ANKRD52: variants seen among roughly 807,000 people sequenced by gnomAD.
The protein encoded by ANKRD52 is ankyrin repeat domain 52, also known as serine/threonine-protein phosphatase 6 regulatory ankyrin repeat subunit C.
In ANKRD52, 7 loss-of-function variants were observed where a neutral mutation model predicts 116.0. That is an observed-to-expected ratio of 0.06 (90% confidence interval 0.03 to 0.11). The LOEUF (loss-of-function observed/expected upper bound fraction) is 0.11. ANKRD52 is among the 10% of genes least tolerant of loss of function. The pLI, the probability that ANKRD52 is intolerant of heterozygous loss-of-function variation, is 1.00. For missense variants in ANKRD52, 839 were observed against 1,408.6 expected, an observed-to-expected ratio of 0.60 and a Z score of 6.47; for synonymous variants, 528 against 578.1, an observed-to-expected ratio of 0.91 and a Z score of 1.24.
chr12:56,245,837 C>T (rs769420472), intron 20 of ANKRD52, among the ~76,000 whole-genome samples: 18 of 151,114 alleles, frequency 1.2e-4, no homozygotes, highest in Non-Finnish European at 2.4e-4. Context: ...GCCTCAGCCT[C>T]CCAAGTAGCT....
In ANKRD52 at chr12:56,255,428, G is replaced by C. The variant is rs577074284; in HGVS notation, c.462+356C>G. Reference sequence around the variant, plus strand: ...GATGATCTCGATCTCCTGATCTCATGATCCACCCGCCTTCGCCTCCCAAAG... The same window carrying C: ...GATGATCTCGATCTCCTGATCTCATCATCCACCCGCCTTCGCCTCCCAAAG... On this transcript the variant is annotated intron_variant, in intron 5 of 27. Transcript: ENST00000267116. The surrounding 1 kb of genome is among the most constrained non-coding windows in gnomAD (Gnocchi z 4.3). Among the ~76,000 whole-genome samples the C allele has an allele frequency of 2.0e-4, 30 of 152,326 alleles. No individual in the cohort carries two copies. Among genetic ancestry groups the C allele is most frequent in the Non-Finnish European group, 4.0e-4 (27 of 68,034 alleles).
Position 56,248,992 on chromosome 12 carries a change from G to T in ANKRD52, c.1593-122C>A. The T allele has an allele frequency of 1.6e-6, 1 of 625,768 alleles. No homozygotes were observed. Among genetic ancestry groups the T allele is most frequent in the Non-Finnish European group, 2.8e-6 (1 of 362,420 alleles). 38.8% of individuals were successfully genotyped at this position (625,768 alleles called of 1,614,324 possible). ...CCTACCTGGCCGCCACCCGTCCTCAGCTCTAGGTAGGTTCTCTAAATCCTA... is the reference window on the plus strand; with the variant it reads ...CCTACCTGGCCGCCACCCGTCCTCATCTCTAGGTAGGTTCTCTAAATCCTA... On this transcript the variant is annotated intron_variant, in intron 15 of 27. Transcript: ENST00000267116. This position sits in a 1 kb window ranked among gnomAD's most constrained non-coding sequence, Gnocchi z 5.1.
chr12:56,258,362 GGCGGCT>G lies in ANKRD52; in HGVS notation c.-99_-94del, dbSNP rs1565613941. 22 of 1,328,374 alleles carry G rather than the reference GGCGGCT, an allele frequency of 1.7e-5. No individual in the cohort carries two copies. The highest frequency in any genetic ancestry group is 2.1e-5 in the Non-Finnish European group (22 of 1,035,670). 82.3% of individuals were successfully genotyped at this position (1,328,374 alleles called of 1,614,324 possible). ...GAGCGGCCCAGGCGGCGGCTGCGGT[GGCGGCT>G]GCAGGGAGAGCGCGGCCCCGCCTAC... is the stretch of plus-strand genomic sequence containing the variant. On this transcript the variant is annotated 5_prime_UTR_variant, in exon 1 of 28. Coordinates refer to ENST00000267116, the MANE Select transcript of ANKRD52 (RefSeq NM_173595.4).
rs1871822014 is a variant in ANKRD52 at position 56,253,976 on chromosome 12, A to G, written c.906+91T>C. The stretch of plus-strand genomic sequence containing the variant: ...TCTGATTACCCTAGGAAGCAAGTGG[A>G]TAATTCCCCAAGAGAGCTATCCAGA... On this transcript the variant is annotated intron_variant, in intron 8 of 27. Coordinates refer to ENST00000267116, the MANE Select transcript of ANKRD52 (RefSeq NM_173595.4). This position sits in a 1 kb window ranked among gnomAD's most constrained non-coding sequence, Gnocchi z 5.5. The G allele has an allele frequency of 2.4e-5, 34 of 1,426,422 alleles. 1 individual carries two copies. Among genetic ancestry groups the G allele is most frequent in the Non-Finnish European group, 2.7e-5 (28 of 1,033,860 alleles). The allele number at this position is 1,426,422 out of a possible 1,614,324, so 88.4% of individuals were successfully genotyped here.
In ANKRD52 at chr12:56,255,165, C is replaced by T. The variant is rs891385290; in HGVS notation, c.463-213G>A. On this transcript the variant is annotated intron_variant, in intron 5 of 27. Transcript: ENST00000267116. The surrounding 1 kb of genome is among the most constrained non-coding windows in gnomAD (Gnocchi z 4.3). ...AACTTTAAGGGAAACAAGAGAGTCT[C>T]TTCAGGTGATCTGGTGGTTCTTAAA... 1 of 479,284 alleles carries T rather than the reference C, an allele frequency of 2.1e-6. No individual in the cohort carries two copies. Among genetic ancestry groups the T allele is most frequent in the South Asian group, 3.8e-5 (1 of 26,248 alleles). The allele number at this position is 479,284 out of a possible 1,614,324, so 29.7% of individuals were successfully genotyped here.
Position 56,248,708 on chromosome 12 carries a change from C to A in ANKRD52, c.1704+51G>T. On this transcript the variant is annotated intron_variant, in intron 16 of 27. Transcript: ENST00000267116. This position sits in a 1 kb window ranked among gnomAD's most constrained non-coding sequence, Gnocchi z 5.1. ...ACCCTTAGTTTTGGAATCCACAAAC[C>A]CTGTGCCCTGCCCCTGCCTCCCCTC... is the stretch of plus-strand genomic sequence containing the variant. 6.5e-7 allele frequency: 1 copy of A among 1,536,848 alleles called. No homozygotes were observed. The highest frequency in any genetic ancestry group is 1.2e-5 in the South Asian group (1 of 85,108).
rs1242740478 is a variant in ANKRD52 at position 56,242,187 on chromosome 12, A to C, written c.*955T>G. 2.5e-6 allele frequency: 1 copy of C among 398,484 alleles called. No individual in the cohort carries two copies. Among genetic ancestry groups the C allele is most frequent in the Non-Finnish European group, 4.4e-6 (1 of 226,074 alleles). The allele number at this position is 398,484 out of a possible 1,614,324, so 24.7% of individuals were successfully genotyped here. ...CCTCCCTCCATATACATGCAAACAC[A>C]TGCCTGAAACACAGTGGACATACTA... On this transcript the variant is annotated 3_prime_UTR_variant, in exon 28 of 28. Coordinates refer to ENST00000267116, the MANE Select transcript of ANKRD52 (RefSeq NM_173595.4). The surrounding 1 kb of genome is among the most constrained non-coding windows in gnomAD (Gnocchi z 4.3).
intron 4 of ANKRD52, among the ~76,000 whole-genome samples, chr12:56,256,494 G>A (rs1175846592): frequency 6.6e-6 from 1 of 152,144 alleles, no homozygotes; most frequent in Admixed American, 6.6e-5. Flanking sequence ...CATTCCCACT[G>A]GCCTCGGCCC....
In ANKRD52 at chr12:56,243,502, A is replaced by T; in HGVS notation, c.2981-110T>A. 1 of 1,430,292 alleles carries T rather than the reference A, an allele frequency of 7.0e-7. No individual in the cohort carries two copies. 88.6% of individuals were successfully genotyped at this position (1,430,292 alleles called of 1,614,324 possible). A position where few individuals can be genotyped will look rare whatever the true frequency, so the allele number is the denominator to read the frequency against. On this transcript the variant is annotated intron_variant, in intron 27 of 27. Transcript: ENST00000267116. The surrounding 1 kb of genome is among the most constrained non-coding windows in gnomAD (Gnocchi z 4.6). ...AGGGAGCCAAGGCAGGCAGGTACCCAGCAGCGGCAGAATCCAAGGGTGACG... is the reference window on the plus strand; with the variant it reads ...AGGGAGCCAAGGCAGGCAGGTACCCTGCAGCGGCAGAATCCAAGGGTGACG...
rs75089885 is a variant in ANKRD52 at position 56,247,476 on chromosome 12, C to T, written c.2184+17G>A. ...TGAGGCCCATGTGCAAACAATCCCC[C>T]CTAGAAGCTCACTCACCCCGCGGTG... On this transcript the variant is annotated intron_variant, in intron 20 of 27. Coordinates refer to ENST00000267116, the MANE Select transcript of ANKRD52 (RefSeq NM_173595.4). 2.6e-6 allele frequency: 4 copies of T among 1,552,840 alleles called. No individual in the cohort carries two copies. Among genetic ancestry groups the T allele is most frequent in the Non-Finnish European group, 3.5e-6 (4 of 1,147,050 alleles).
chr12:56,257,721 G>C, intron 2 of ANKRD52, 107 bp downstream of exon 2: 1 of 1,063,140 alleles, frequency 9.4e-7, no homozygotes, highest in Non-Finnish European at 1.4e-6. Context: ...AAAGAACTGC[G>C]GCCTCATCTG....
Position 56,252,050 on chromosome 12 carries a change from C to T in ANKRD52, c.1557G>A (p.Glu519=), listed in dbSNP as rs1871721465. The T allele has an allele frequency of 6.2e-7, 1 of 1,613,944 alleles. No individual in the cohort carries two copies. Among genetic ancestry groups the T allele is most frequent in the Non-Finnish European group, 8.5e-7 (1 of 1,179,884 alleles). Residue 519 remains glutamate (E), a synonymous_variant, in exon 15 of 28, where the codon GAG becomes GAA. Transcript: ENST00000267116. This position sits in a 1 kb window ranked among gnomAD's most constrained non-coding sequence, Gnocchi z 4.7. The part of the protein sequence containing the change: ...TPSSHDAEED[E]PLKESRRKEA... Reference sequence around the variant, plus strand: ...CCTTCCTGCGGGACTCCTTCAGTGGCTCGTCCTCTTCGGCATCATGGCTGG... The same window carrying T: ...CCTTCCTGCGGGACTCCTTCAGTGGTTCGTCCTCTTCGGCATCATGGCTGG...
intron 4 of ANKRD52, among the ~76,000 whole-genome samples, chr12:56,256,802 G>A (rs983628172): frequency 1.3e-5 from 2 of 152,170 alleles, no homozygotes; most frequent in Non-Finnish European, 2.9e-5. Context: ...TGCCAGCCCA[G>A]TGTTAAGCTC....
Position 56,248,443 on chromosome 12 carries a change from C to T in ANKRD52, c.1776+52G>A, listed in dbSNP as rs1871523982. The T allele has an allele frequency of 1.3e-6, 2 of 1,542,788 alleles. No homozygotes were observed. The highest frequency in any genetic ancestry group is 1.7e-4 in the Middle Eastern group (1 of 5,944). On this transcript the variant is annotated intron_variant, in intron 17 of 27. Transcript: ENST00000267116. This position sits in a 1 kb window ranked among gnomAD's most constrained non-coding sequence, Gnocchi z 5.1. ...ACAAGTGCTGGCACCTTTGTTAGGG[C>T]CTGGGAACAGGTAGGACAAGGAAGG...
Position 56,243,695 on chromosome 12 carries a change from C to A in ANKRD52, c.2980+90G>T. 1 of 1,343,362 alleles carries A rather than the reference C, an allele frequency of 7.4e-7. No individual in the cohort carries two copies. Among genetic ancestry groups the A allele is most frequent in the Non-Finnish European group, 1.0e-6 (1 of 967,708 alleles). 83.2% of individuals were successfully genotyped at this position (1,343,362 alleles called of 1,614,324 possible). ...TGAAGAGTTCCCTTGGGAAGAAAAT[C>A]CCATGTATAGCAAGATTAAGAAGTC... On this transcript the variant is annotated intron_variant, in intron 27 of 27. Transcript: ENST00000267116. The surrounding 1 kb of genome is among the most constrained non-coding windows in gnomAD (Gnocchi z 4.6).
In ANKRD52 at chr12:56,248,427, G is replaced by T; in HGVS notation, c.1776+68C>A. 6.6e-7 allele frequency: 1 copy of T among 1,508,040 alleles called. No individual in the cohort carries two copies. Among genetic ancestry groups the T allele is most frequent in the Non-Finnish European group, 9.1e-7 (1 of 1,103,768 alleles). The allele number at this position is 1,508,040 out of a possible 1,614,324, so 93.4% of individuals were successfully genotyped here. A position where few individuals can be genotyped will look rare whatever the true frequency, so the allele number is the denominator to read the frequency against. Reference sequence around the variant, plus strand: ...AAGGAAGGATAACTTCACAAGTGCTGGCACCTTTGTTAGGGCCTGGGAACA... The same window carrying T: ...AAGGAAGGATAACTTCACAAGTGCTTGCACCTTTGTTAGGGCCTGGGAACA... On this transcript the variant is annotated intron_variant, in intron 17 of 27. Transcript: ENST00000267116. This position sits in a 1 kb window ranked among gnomAD's most constrained non-coding sequence, Gnocchi z 5.1.
chr12:56,243,924 A>G lies in ANKRD52; in HGVS notation c.2889-48T>C. ...GAGCTTGATGCTAAGCTGCCCTTCC[A>G]CCTCCAGACAGGGTGGCAAGGGTGC... On this transcript the variant is annotated intron_variant, in intron 26 of 27. Coordinates refer to ENST00000267116, the MANE Select transcript of ANKRD52 (RefSeq NM_173595.4). The surrounding 1 kb of genome is among the most constrained non-coding windows in gnomAD (Gnocchi z 4.6). The G allele has an allele frequency of 6.3e-7, 1 of 1,594,426 alleles. No individual in the cohort carries two copies. The highest frequency in any genetic ancestry group is 8.6e-7 in the Non-Finnish European group (1 of 1,169,332).
chr12:56,248,209 A>G lies in ANKRD52; in HGVS notation c.1792T>C (p.Cys598Arg), dbSNP rs1420891595. 1 of 1,613,810 alleles carries G rather than the reference A, an allele frequency of 6.2e-7. No individual in the cohort carries two copies. The highest frequency in any genetic ancestry group is 1.1e-5 in the South Asian group (1 of 91,078). ...PLHLAAYNGH[C>R]EALKTLAETL... is the part of the protein sequence containing the mutation. ...TCCGCCAGCGTCTTCAAGGCTTCAC[A>G]GTGACCGTTGTAGGCCTGGCAAGGT... Residue 598 changes from cysteine to arginine, a missense_variant, in exon 18 of 28, where the codon TGT (cysteine) becomes CGT (arginine). By Grantham distance (180) the Cys-to-Arg change is radical. Transcript: ENST00000267116. The surrounding 1 kb of genome is among the most constrained non-coding windows in gnomAD (Gnocchi z 5.1).
rs1870990150 is a variant in ANKRD52 at position 56,237,927 on chromosome 12, G to A, written c.*5215C>T. 1.6e-6 allele frequency: 1 copy of A among 638,978 alleles called. No individual in the cohort carries two copies. The highest frequency in any genetic ancestry group is 2.5e-6 in the Non-Finnish European group (1 of 400,622). 39.6% of individuals were successfully genotyped at this position (638,978 alleles called of 1,614,324 possible). A position where few individuals can be genotyped will look rare whatever the true frequency, so the allele number is the denominator to read the frequency against. On this transcript the variant is annotated 3_prime_UTR_variant, in exon 28 of 28. Coordinates refer to ENST00000267116, the MANE Select transcript of ANKRD52 (RefSeq NM_173595.4). ...GTGGGAGGACCCGAAGCCGGTTGGG[G>A]GAGGATGTGAGTAGGGGCCTGGAGG...
Sources: allele counts gnomAD v4.1 joint callset (sites outside exome capture counted in the v4.1 genomes callset), GRCh38; gene constraint gnomAD v4.1.1; non-coding constraint Gnocchi (gnomAD v3.1); transcripts MANE v1.5; gene names NCBI Gene and HGNC (gene_info 2026-07-23, HGNC 2026-07-21).